Variants in FKBP1A observed in about 807,000 individuals in gnomAD.
The protein encoded by FKBP1A is FKBP prolyl isomerase 1A, also known as peptidyl-prolyl cis-trans isomerase FKBP1A.
FKBP1A carries 5 observed loss-of-function variants against 14.2 expected under a neutral mutation model. The observed-to-expected ratio is 0.35, with a 90% CI of 0.18 to 0.74. FKBP1A has a LOEUF of 0.74. FKBP1A is among the 30% of genes least tolerant of loss of function. FKBP1A has a pLI of 0.56. For synonymous variants in FKBP1A, 42 were observed against 49.1 expected (o/e 0.86, Z 0.60); for missense variants, 53 against 138.8 (o/e 0.38, Z 3.10).
Position 1,383,206 on chromosome 20 carries a change from G to T in FKBP1A, c.86-7603C>A, listed in dbSNP as rs957971653. Among the ~76,000 whole-genome samples the T allele has an allele frequency of 9.2e-5, 14 of 152,178 alleles. No individual in the cohort carries two copies. In the East Asian group the frequency reaches 1.2e-3, roughly 13 times the overall value. On this transcript the variant is annotated intron_variant, in intron 2 of 4. Coordinates refer to ENST00000400137, the MANE Select transcript of FKBP1A (RefSeq NM_000801.5). ...CTACTGGGTAACAGGACTGAAGAAG[G>T]CACCTCTACAGACTTATGGCTTCAC...
chr20:1,389,453 AGAG>A (rs944805997), intron 2 of FKBP1A, among the ~76,000 whole-genome samples: 1 of 152,178 alleles, frequency 6.6e-6, no homozygotes, highest in Non-Finnish European at 1.5e-5. Flanking sequence ...GGAATAAAGC[AGAG>A]GAGAGGGGGG....
Position 1,379,013 on chromosome 20 carries a change from C to A in FKBP1A, c.86-3410G>T, listed in dbSNP as rs1374686382. On this transcript the variant is annotated intron_variant, in intron 2 of 4. Transcript: ENST00000400137. This position sits in a 1 kb window ranked among gnomAD's most constrained non-coding sequence, Gnocchi z 4.3. ...ATACTTCTCATTTTTAAAAAGAATG[C>A]TGATTGTGACCCACTACATTTATTT... 6.6e-6 allele frequency among the ~76,000 whole-genome samples: 1 copy of A among 152,170 alleles called. No homozygotes were observed. Among genetic ancestry groups the A allele is most frequent in the Non-Finnish European group, 1.5e-5 (1 of 68,024 alleles).
chr20:1,383,348 TAAA>T (rs60028971), intron 2 of FKBP1A, among the ~76,000 whole-genome samples: 1 of 145,500 alleles, frequency 6.9e-6, no homozygotes, highest in African/African-American at 2.5e-5. Context: ...GTTTTAAGAT[TAAA>T]AAAAAAAAAA....
At chr20:1,376,308 T>C (rs1350445405) in intron 2 of FKBP1A, among the ~76,000 whole-genome samples, 2 of 152,246 alleles carry the variant, frequency 1.3e-5, no homozygotes, top group African/African-American at 4.8e-5. Flanking sequence ...TGAGTTGTCA[T>C]AATTTTCCTG....
In FKBP1A at chr20:1,369,293, TAA is replaced by T. The variant is rs2089429160; in HGVS notation, c.*814_*815del. On this transcript the variant is annotated 3_prime_UTR_variant, in exon 5 of 5. Transcript: ENST00000400137. ...AGCACCTTCAATTGAAACTGTCAAT[TAA>T]AGTTCTTAAGATTTAGGAAGTGGTG... The T allele has an allele frequency of 6.0e-6, 1 of 166,630 alleles. No individual in the cohort carries two copies. The highest frequency in any genetic ancestry group is 2.4e-5 in the African/African-American group (1 of 41,230). The allele number at this position is 166,630 out of a possible 1,614,324, so 10.3% of individuals were successfully genotyped here. A position where few individuals can be genotyped will look rare whatever the true frequency, so the allele number is the denominator to read the frequency against.
At chr20:1,384,955 A>G (rs2089654011) in intron 2 of FKBP1A, among the ~76,000 whole-genome samples, 1 of 152,244 alleles carries the variant, frequency 6.6e-6, no homozygotes, top group South Asian at 2.1e-4. Flanking sequence ...TGATGGGAAG[A>G]ATATGCAGGA....
intron 2 of FKBP1A, among the ~76,000 whole-genome samples, 175 bp from the exon 3 acceptor site, chr20:1,375,778 A>G (rs1362559147): frequency 3.3e-5 from 5 of 151,954 alleles, no homozygotes; most frequent in Admixed American, 6.5e-5. Context: ...CGACAGTCCT[A>G]CTCCAGACCT....
Position 1,387,238 on chromosome 20 carries a change from G to A in FKBP1A, c.85+5596C>T, listed in dbSNP as rs145024473. On this transcript the variant is annotated intron_variant, in intron 2 of 4. Coordinates refer to ENST00000400137, the MANE Select transcript of FKBP1A (RefSeq NM_000801.5). ...TGTTACCAAGAAAAAAAAAGGTCAT[G>A]GACCCCACTGAAAGGAACCAGAGCT... 2.4e-3 allele frequency among the ~76,000 whole-genome samples: 370 copies of A among 152,226 alleles called. 1 individual carries two copies. Among genetic ancestry groups the A allele is most frequent in the African/African-American group, 8.5e-3 (353 of 41,528 alleles).
chr20:1,371,015 C>G, intron 4 of FKBP1A: 1 of 985,452 alleles, frequency 1.0e-6, no homozygotes, highest in Middle Eastern at 5.2e-4. Flanking sequence ...AAAGCCCCTC[C>G]ACTTACAGAT....
At chr20:1,375,319 G>T (rs1348239237) in intron 3 of FKBP1A, 172 bp downstream of exon 3, 6 of 620,288 alleles carry the variant, frequency 9.7e-6, no homozygotes, top group Non-Finnish European at 1.7e-5. Context: ...TTAAACCACA[G>T]TACAAGAAAC....
chr20:1,392,050 T>G (rs2089744084), intron 2 of FKBP1A, among the ~76,000 whole-genome samples: 2 of 152,216 alleles, frequency 1.3e-5, no homozygotes, highest in South Asian at 4.1e-4. Context: ...AAATTTCCTT[T>G]GGCTTGTATT....
In FKBP1A at chr20:1,379,608, T is replaced by A. The variant is rs6041846; in HGVS notation, c.86-4005A>T. On this transcript the variant is annotated intron_variant, in intron 2 of 4. Coordinates refer to ENST00000400137, the MANE Select transcript of FKBP1A (RefSeq NM_000801.5). The surrounding 1 kb of genome is among the most constrained non-coding windows in gnomAD (Gnocchi z 4.3). ...CTCTGTTGTCCCTGGGAAAGGGGCA[T>A]GAGACTTGCTCCAGAATTTCAGACC... 0.11 allele frequency among the ~76,000 whole-genome samples: 17,045 copies of A among 152,208 alleles called. 1,150 individuals are homozygous for A. Among genetic ancestry groups the A allele is most frequent in the African/African-American group, 0.17 (7,223 of 41,522 alleles).
intron 4 of FKBP1A, 164 bp from the exon 5 acceptor site, chr20:1,370,236 G>A (rs1013580342): frequency 2.5e-5 from 25 of 985,328 alleles, no homozygotes; most frequent in Non-Finnish European, 2.9e-5. Context: ...GAAAGACTTG[G>A]GCTGGGTCCC....
chr20:1,380,297 G>A (rs532556124), intron 2 of FKBP1A, among the ~76,000 whole-genome samples: 1 of 152,234 alleles, frequency 6.6e-6, no homozygotes, highest in East Asian at 1.9e-4. Context: ...ACCAGCAGGA[G>A]AGAGCTATAC....
At position 1,386,260 on chromosome 20, in the gene FKBP1A, G is replaced by A. The variant is rs2122701545; in HGVS notation, c.85+6574C>T. ...TCTAGCCTATAGGTGTAGGTTGCCT[G>A]AGGTACTTTCATTGTAACTGACCAC... On this transcript the variant is annotated intron_variant, in intron 2 of 4. Coordinates refer to ENST00000400137, the MANE Select transcript of FKBP1A (RefSeq NM_000801.5). This position sits in a 1 kb window ranked among gnomAD's most constrained non-coding sequence, Gnocchi z 4.7. Among the ~76,000 whole-genome samples the A allele has an allele frequency of 6.6e-6, 1 of 152,344 alleles. No homozygotes were observed. Among genetic ancestry groups the A allele is most frequent in the African/African-American group, 2.4e-5 (1 of 41,572 alleles).
chr20:1,375,371 G>C (rs555825089), intron 3 of FKBP1A, 120 bp downstream of exon 3: 96 of 680,164 alleles, frequency 1.4e-4, no homozygotes, highest in Non-Finnish European at 2.1e-4. Flanking sequence ...GGTCAGATGG[G>C]ATGGCATGAG....
intron 2 of FKBP1A, among the ~76,000 whole-genome samples, chr20:1,391,383 CTG>C (rs2089734246): frequency 6.6e-6 from 1 of 152,190 alleles, no homozygotes. Context: ...CAGGTGCTGA[CTG>C]TGGCCTACAA....
chr20:1,377,647 C>T (rs1442515642), intron 2 of FKBP1A: 1 of 152,308 alleles, frequency 6.6e-6, no homozygotes, highest in Non-Finnish European at 1.5e-5. Flanking sequence ...GCACTTCTTA[C>T]ATGGAACCCA....
intron 2 of FKBP1A, among the ~76,000 whole-genome samples, chr20:1,381,708 T>A (rs924711760): frequency 2.0e-5 from 3 of 152,228 alleles, no homozygotes; most frequent in African/African-American, 7.2e-5. Flanking sequence ...GGTAAATACA[T>A]GTTTCTATAT....
Sources: allele counts gnomAD v4.1 joint callset (sites outside exome capture counted in the v4.1 genomes callset), GRCh38; gene constraint gnomAD v4.1.1; non-coding constraint Gnocchi (gnomAD v3.1); transcripts MANE v1.5; gene names NCBI Gene and HGNC (gene_info 2026-07-23, HGNC 2026-07-21).